DLGAP2: variants seen among roughly 807,000 people sequenced by gnomAD.
DLGAP2 encodes the protein disks large-associated protein 2.
Under a neutral mutation model 100.3 loss-of-function variants are expected in DLGAP2, and 26 were observed. The observed-to-expected ratio is 0.26, with a 90% CI of 0.19 to 0.36. The LOEUF (loss-of-function observed/expected upper bound fraction) is 0.36. Ranked by LOEUF, DLGAP2 falls within the 10% of genes least tolerant of loss-of-function variation. The probability of loss-of-function intolerance (pLI) is 1.00; values close to 1 mark genes in which losing one functional copy is unlikely to be tolerated. For synonymous variants in DLGAP2, 886 were observed against 630.1 expected (o/e 1.41, Z -6.08); for missense variants, 1,858 against 1,453.2 (o/e 1.28, Z -4.53).
intron 2 of DLGAP2, among the ~76,000 whole-genome samples, chr8:1,145,295 G>A (rs990241871): frequency 3.3e-5 from 5 of 152,098 alleles, no homozygotes; most frequent in Non-Finnish European, 7.4e-5. Context: ...CCTCCAGGAA[G>A]CCGCTGTTTT....
At chr8:1,021,135 T>A (rs1357240913) in intron 2 of DLGAP2, among the ~76,000 whole-genome samples, 1 of 152,198 alleles carries the variant, frequency 6.6e-6, no homozygotes, top group African/African-American at 2.4e-5. Flanking sequence ...TAATATCAAT[T>A]TGAGTATATT....
At chr8:1,676,462 C>A in intron 10 of DLGAP2, 71 bp from the exon 11 acceptor site, 1 of 1,485,874 alleles carries the variant, frequency 6.7e-7, no homozygotes, top group Non-Finnish European at 9.2e-7. Context: ...AAATCCACAA[C>A]AACAACAAAA....
chr8:1,333,747 C>G (rs896199230), intron 3 of DLGAP2, among the ~76,000 whole-genome samples: 2 of 152,208 alleles, frequency 1.3e-5, no homozygotes, highest in East Asian at 3.8e-4. Context: ...CTCACCTATT[C>G]TCATACCCAA....
chr8:922,993 C>G lies in DLGAP2; in HGVS notation c.73+15027C>G, dbSNP rs1360858251. On this transcript the variant is annotated intron_variant, in intron 2 of 14. Coordinates refer to ENST00000637795, the MANE Select transcript of DLGAP2 (RefSeq NM_001346810.2). ...TGCAAGCCCTGGGCTCTGATGGATG[C>G]TTGTTACCATGGAGTGCATTACTCT... Among the ~76,000 whole-genome samples, 6 of 152,052 alleles carry G rather than the reference C, an allele frequency of 3.9e-5. No homozygotes were observed. The East Asian group carries it at 1.2e-3, about 29-fold the overall frequency.
chr8:1,316,128 C>G (rs1263972196), intron 3 of DLGAP2, among the ~76,000 whole-genome samples: 3 of 121,308 alleles, frequency 2.5e-5, no homozygotes, highest in Non-Finnish European at 3.5e-5. Flanking sequence ...AAAAATAGAG[C>G]GTGTGCGAGT....
intron 2 of DLGAP2, among the ~76,000 whole-genome samples, chr8:1,004,820 G>A (rs1444127747): frequency 6.6e-6 from 1 of 152,226 alleles, no homozygotes; most frequent in African/African-American, 2.4e-5. Context: ...TGCAGCTGAA[G>A]TGTCCATGTC....
intron 1 of DLGAP2, among the ~76,000 whole-genome samples, chr8:882,848 G>T (rs1273502084): frequency 1.3e-5 from 2 of 152,234 alleles, no homozygotes; most frequent in African/African-American, 4.8e-5. Flanking sequence ...GTTCCCCTCC[G>T]CCCCGTGGTG....
intron 8 of DLGAP2, among the ~76,000 whole-genome samples, chr8:1,666,301 T>G (rs889617247): frequency 4.6e-5 from 7 of 152,206 alleles, no homozygotes; most frequent in Non-Finnish European, 7.4e-5. Context: ...AGCACCCGAT[T>G]GATTTCATAA....
chr8:1,033,812 G>T (rs555286010), intron 2 of DLGAP2, among the ~76,000 whole-genome samples: 7 of 146,752 alleles, frequency 4.8e-5, no homozygotes, highest in Admixed American at 4.1e-4. Context: ...GCGTGTCACC[G>T]CGAGTGGATT....
chr8:1,419,964 T>C (rs552070904), intron 3 of DLGAP2, among the ~76,000 whole-genome samples: 25 of 152,246 alleles, frequency 1.6e-4, no homozygotes, highest in African/African-American at 4.8e-4. Context: ...TGAAATGGGG[T>C]AGGTAGACAC....
intron 1 of DLGAP2, among the ~76,000 whole-genome samples, chr8:784,101 C>G (rs1821775249): frequency 2.0e-5 from 3 of 152,122 alleles, no homozygotes; most frequent in East Asian, 1.9e-4. Context: ...ACCCAGCTTT[C>G]TTTCACTAAA....
intron 4 of DLGAP2, among the ~76,000 whole-genome samples, chr8:1,518,237 G>A (rs1800463286): frequency 6.6e-6 from 1 of 152,140 alleles, no homozygotes; most frequent in African/African-American, 2.4e-5. Flanking sequence ...AACTGGAATG[G>A]CGACTGCTCC....
chr8:1,524,610 T>C (rs1450821545), intron 4 of DLGAP2, among the ~76,000 whole-genome samples: 3 of 152,126 alleles, frequency 2.0e-5, no homozygotes, highest in Non-Finnish European at 2.9e-5. Flanking sequence ...CATCCCTCCG[T>C]GCGTTTTTGT....
intron 3 of DLGAP2, among the ~76,000 whole-genome samples, chr8:1,331,650 C>A (rs1200883076): frequency 6.6e-6 from 1 of 152,180 alleles, no homozygotes; most frequent in East Asian, 1.9e-4. Context: ...GTGTCAACAT[C>A]TTGGGTATAC....
chr8:858,429 G>C (rs1054031899), intron 1 of DLGAP2, among the ~76,000 whole-genome samples: 1 of 152,258 alleles, frequency 6.6e-6, no homozygotes, highest in Non-Finnish European at 1.5e-5. Context: ...TGTGGGGAGG[G>C]AGGGGTGAAT....
intron 3 of DLGAP2, among the ~76,000 whole-genome samples, chr8:1,260,006 T>C (rs1462509714): frequency 6.6e-6 from 1 of 152,320 alleles, no homozygotes; most frequent in Admixed American, 6.5e-5. Context: ...CATCAGACTT[T>C]GGACACCTGG....
At chr8:1,229,339 T>C (rs373739452) in intron 2 of DLGAP2, among the ~76,000 whole-genome samples, 95 of 152,232 alleles carry the variant, frequency 6.2e-4, no homozygotes, top group African/African-American at 2.2e-3. Context: ...GGAATTCAAG[T>C]ATGAATCCAT....
intron 1 of DLGAP2, among the ~76,000 whole-genome samples, chr8:890,926 C>T (rs1798021727): frequency 6.6e-6 from 1 of 152,180 alleles, no homozygotes; most frequent in Non-Finnish European, 1.5e-5. Flanking sequence ...ACCTTCCCGC[C>T]CACCCGGCTG....
intron 2 of DLGAP2, among the ~76,000 whole-genome samples, chr8:1,146,596 T>C (rs1262818834): frequency 6.6e-6 from 1 of 152,026 alleles, no homozygotes; most frequent in African/African-American, 2.4e-5. Context: ...TGTGTGCACC[T>C]GCGCATGTGT....
Sources: allele counts gnomAD v4.1 joint callset (sites outside exome capture counted in the v4.1 genomes callset), GRCh38; gene constraint gnomAD v4.1.1; transcripts MANE v1.5; gene names NCBI Gene and HGNC (gene_info 2026-07-23, HGNC 2026-07-21).